The following TDRD3 variants were observed in gnomAD, a reference collection of about 807,000 sequenced individuals.
TDRD3 encodes tudor domain-containing protein 3.
In TDRD3, 45 loss-of-function variants were observed where a neutral mutation model predicts 86.7. That is an observed-to-expected ratio of 0.52 (90% CI 0.41 to 0.67). The LOEUF (loss-of-function observed/expected upper bound fraction) is 0.67. TDRD3 is among the 30% of genes least tolerant of loss of function. The probability of loss-of-function intolerance (pLI) is 0.00; values close to 1 mark genes in which losing one functional copy is unlikely to be tolerated. For missense variants in TDRD3, 814 were observed against 889.0 expected (o/e 0.92, Z 1.07); for synonymous variants, 298 against 301.7 (o/e 0.99, Z 0.13).
intron 12 of TDRD3, among the ~76,000 whole-genome samples, chr13:60,544,813 A>C (rs1295212872): frequency 6.6e-6 from 1 of 152,228 alleles, no homozygotes; most frequent in Non-Finnish European, 1.5e-5. Flanking sequence ...AAGTGAGTTC[A>C]TGCAAAGGAA....
chr13:60,404,896 G>A (rs1275944841), intron 1 of TDRD3, among the ~76,000 whole-genome samples: 1 of 152,210 alleles, frequency 6.6e-6, no homozygotes, highest in Non-Finnish European at 1.5e-5. Flanking sequence ...ATGGGGATGG[G>A]TCTTTCCCAT....
intron 6 of TDRD3, chr13:60,484,615 C>T: frequency 7.0e-6 from 3 of 427,296 alleles, no homozygotes; most frequent in Non-Finnish European, 1.4e-5. Context: ...GATATACTCT[C>T]ACTTAAATAA....
intron 12 of TDRD3, among the ~76,000 whole-genome samples, chr13:60,549,547 T>C (rs1957999656): frequency 6.6e-6 from 1 of 152,174 alleles, no homozygotes; most frequent in South Asian, 2.1e-4. Flanking sequence ...ATTGAAATGT[T>C]AATTATATAC....
intron 7 of TDRD3, among the ~76,000 whole-genome samples, chr13:60,491,313 CAGTA>C (rs1287693051): frequency 1.3e-5 from 2 of 151,974 alleles, no homozygotes; most frequent in Non-Finnish European, 2.9e-5. Flanking sequence ...GTTTAATAGA[CAGTA>C]AGACTGAAGA....
chr13:60,409,029 G>T (rs947804373), intron 1 of TDRD3, among the ~76,000 whole-genome samples: 1 of 152,220 alleles, frequency 6.6e-6, no homozygotes, highest in Non-Finnish European at 1.5e-5. Context: ...GGTGCCCTGT[G>T]TCCCAGCCAC....
intron 1 of TDRD3, among the ~76,000 whole-genome samples, chr13:60,406,002 A>G (rs768013706): frequency 6.6e-6 from 1 of 152,240 alleles, no homozygotes; most frequent in African/African-American, 2.4e-5. Flanking sequence ...TTGGACTTGT[A>G]TCCTCAAATC....
At chr13:60,418,959 C>T (rs1223205938) in intron 1 of TDRD3, among the ~76,000 whole-genome samples, 1 of 152,054 alleles carries the variant, frequency 6.6e-6, no homozygotes, top group Non-Finnish European at 1.5e-5. Flanking sequence ...GGTCATTCTC[C>T]TTTTGATAGA....
At chr13:60,563,867 A>G (rs1958392560) in intron 12 of TDRD3, among the ~76,000 whole-genome samples, 1 of 152,236 alleles carries the variant, frequency 6.6e-6, no homozygotes, top group African/African-American at 2.4e-5. Flanking sequence ...TTCTCACTCC[A>G]GATACAGTAT....
At chr13:60,431,150 A>G (rs1184021260) in intron 1 of TDRD3, among the ~76,000 whole-genome samples, 1 of 152,046 alleles carries the variant, frequency 6.6e-6, no homozygotes, top group South Asian at 2.1e-4. Flanking sequence ...CACAAATTCA[A>G]AATTATAGTA....
intron 10 of TDRD3, among the ~76,000 whole-genome samples, chr13:60,527,400 A>T (rs1029387784): frequency 1.4e-4 from 22 of 152,288 alleles, no homozygotes; most frequent in Admixed American, 1.2e-3. Context: ...CTCACCCAAG[A>T]TGTCAGTGGA....
At chr13:60,417,351 ATT>A (rs113668776) in intron 1 of TDRD3, among the ~76,000 whole-genome samples, 43 of 122,938 alleles carry the variant, frequency 3.5e-4, no homozygotes, top group African/African-American at 7.7e-4. Context: ...AACTAATTTC[ATT>A]TTTTTTTTTT....
intron 3 of TDRD3, among the ~76,000 whole-genome samples, chr13:60,458,044 T>A (rs1955719522): frequency 6.6e-6 from 1 of 152,202 alleles, no homozygotes; most frequent in African/African-American, 2.4e-5. Flanking sequence ...GTGGAGCCAC[T>A]ATTTAACCCA....
At chr13:60,396,342 C>G (rs1003392004), upstream of TDRD3, 4 of 152,242 alleles carry the variant, frequency 2.6e-5, no homozygotes, top group African/African-American at 9.6e-5. Flanking sequence ...CTCTTGGGCC[C>G]GCGTACCCTT....
chr13:60,479,199 C>A (rs1956260978), intron 5 of TDRD3, among the ~76,000 whole-genome samples: 4 of 152,162 alleles, frequency 2.6e-5, no homozygotes, highest in African/African-American at 9.7e-5. Context: ...AGATTTATGT[C>A]TCTTTTTTCA....
intron 1 of TDRD3, among the ~76,000 whole-genome samples, chr13:60,413,328 A>T (rs1364663180): frequency 6.6e-6 from 1 of 152,166 alleles, no homozygotes; most frequent in Non-Finnish European, 1.5e-5. Flanking sequence ...AGTTAGATAT[A>T]TATCTGCTTG....
chr13:60,397,452 G>C, intron 1 of TDRD3, 47 bp downstream of exon 1: 19 of 1,461,888 alleles, frequency 1.3e-5, no homozygotes, highest in Non-Finnish European at 1.6e-5. Context: ...TGCGGGCCGG[G>C]GCCCCAGGGA....
At chr13:60,415,151 G>GT (rs1169440497) in intron 1 of TDRD3, among the ~76,000 whole-genome samples, 1 of 151,964 alleles carries the variant, frequency 6.6e-6, no homozygotes, top group Non-Finnish European at 1.5e-5. Flanking sequence ...CAAGATTGAT[G>GT]TTTTATAACA....
chr13:60,462,044 C>T (rs1399595632), intron 4 of TDRD3, among the ~76,000 whole-genome samples: 1 of 152,080 alleles, frequency 6.6e-6, no homozygotes, highest in Non-Finnish European at 1.5e-5. Context: ...GTAAATGAGG[C>T]CCCCTCCTCA....
intron 12 of TDRD3, among the ~76,000 whole-genome samples, chr13:60,562,723 A>T (rs74078482): frequency 0.018 from 2,730 of 152,336 alleles, 79 homozygotes; most frequent in African/African-American, 0.063. Context: ...ACTACTATAC[A>T]AATTCTGTTA....
Sources: allele counts gnomAD v4.1 joint callset (sites outside exome capture counted in the v4.1 genomes callset), GRCh38; gene constraint gnomAD v4.1.1; transcripts MANE v1.5; gene names NCBI Gene and HGNC (gene_info 2026-07-23, HGNC 2026-07-21).